Variants in TEAD4 observed in about 807,000 individuals in gnomAD.
TEAD4 encodes the protein transcriptional enhancer factor TEF-3.
Under a neutral mutation model 52.4 loss-of-function variants are expected in TEAD4, and 36 were observed. The observed-to-expected ratio is 0.69, with a 90% CI of 0.53 to 0.91. The LOEUF is 0.91. TEAD4 is among the 40% of genes least tolerant of loss of function. The pLI, the probability that TEAD4 is intolerant of heterozygous loss-of-function variation, is 0.00. For missense variants in TEAD4, 508 were observed against 583.9 expected (o/e 0.87, Z 1.34); for synonymous variants, 220 against 231.0 (o/e 0.95, Z 0.43).
chr12:2,988,375 C>T (rs1223208727), intron 2 of TEAD4, among the ~76,000 whole-genome samples: 2 of 151,040 alleles, frequency 1.3e-5, no homozygotes, highest in East Asian at 2.0e-4. Context: ...AAAAATTAGC[C>T]GGGTGAGGTG....
intron 3 of TEAD4, among the ~76,000 whole-genome samples, chr12:3,008,831 A>G (rs893956318): frequency 6.6e-6 from 1 of 152,164 alleles, no homozygotes; most frequent in Non-Finnish European, 1.5e-5. Context: ...CCTGTGTGCA[A>G]GGGACGGGCC....
intron 7 of TEAD4, 122 bp from the exon 8 acceptor site, chr12:3,018,993 C>G (rs890290343): frequency 2.4e-6 from 3 of 1,238,958 alleles, no homozygotes; most frequent in Non-Finnish European, 3.5e-6. Flanking sequence ...GAGGCCAAGG[C>G]CCATCGGGAC....
intron 2 of TEAD4, among the ~76,000 whole-genome samples, chr12:2,984,823 C>T (rs1180066758): frequency 2.0e-5 from 3 of 152,080 alleles, no homozygotes; most frequent in Non-Finnish European, 4.4e-5. Context: ...AAATGGCACA[C>T]CTGTATGGGG....
In TEAD4 at chr12:3,037,980, A is replaced by G. The variant is rs763983673; in HGVS notation, c.910A>G (p.Thr304Ala). 6.2e-7 allele frequency: 1 copy of G among 1,613,558 alleles called. No homozygotes were observed. Among genetic ancestry groups the G allele is most frequent in the Non-Finnish European group, 8.5e-7 (1 of 1,179,676 alleles). ...TGTCTCCCTCCAGGCAGACCTCAAC[A>G]CCAACATCGAGGATGAAGGCAGCTC... is the stretch of plus-strand genomic sequence containing the variant. The change falls in exon 11 of 13, where the codon ACC becomes GCC. Residue 304 changes from threonine (T) to alanine (A), a missense_variant. Coordinates refer to ENST00000359864, the MANE Select transcript of TEAD4 (RefSeq NM_003213.4).
intron 3 of TEAD4, among the ~76,000 whole-genome samples, chr12:3,008,289 G>A (rs1366913112): frequency 6.6e-6 from 1 of 152,170 alleles, no homozygotes; most frequent in East Asian, 1.9e-4. Context: ...CTGGGGCAGA[G>A]TGTTCCCTGG....
intron 10 of TEAD4, 128 bp from the exon 11 acceptor site, chr12:3,037,840 A>T: frequency 1.7e-6 from 2 of 1,149,130 alleles, no homozygotes; most frequent in Non-Finnish European, 2.4e-6. Context: ...CTGGCGTCCT[A>T]CTGTCTACCC....
chr12:2,966,715 T>C (rs1277266395), intron 2 of TEAD4, among the ~76,000 whole-genome samples: 1 of 151,906 alleles, frequency 6.6e-6, no homozygotes, highest in Non-Finnish European at 1.5e-5. Context: ...CCGGCGTATT[T>C]CTTTTTTTTG....
chr12:3,034,750 T>A (rs2098278265), intron 10 of TEAD4, among the ~76,000 whole-genome samples: 1 of 152,196 alleles, frequency 6.6e-6, no homozygotes, highest in South Asian at 2.1e-4. Flanking sequence ...CTGGGCAACA[T>A]GGCGAAGCCC....
chr12:2,962,212 C>T (rs1021117881), intron 2 of TEAD4, among the ~76,000 whole-genome samples: 2 of 148,206 alleles, frequency 1.3e-5, no homozygotes, highest in Non-Finnish European at 3.0e-5. Flanking sequence ...GCAACCTCCG[C>T]CTCCTGGGTT....
At chr12:3,018,986 G>A (rs2098266651) in intron 7 of TEAD4, 129 bp from the exon 8 acceptor site, 1 of 1,170,368 alleles carries the variant, frequency 8.5e-7, no homozygotes, top group Non-Finnish European at 1.2e-6. Flanking sequence ...GGAGTAGGAG[G>A]CCAAGGCCCA....
rs200314400 is a variant in TEAD4 at position 2,966,577 on chromosome 12, A to AT, written c.-30+6544dup. Among the ~76,000 whole-genome samples, 420 of 149,330 alleles carry AT rather than the reference A, an allele frequency of 2.8e-3. 2 individuals are homozygous for AT. The highest frequency in any genetic ancestry group is 3.4e-3 in the Middle Eastern group (1 of 290). On this transcript the variant is annotated intron_variant, in intron 2 of 12. Transcript: ENST00000359864. ...AAGCACACGCCACCATGCCCAGCTA[A>AT]TTTTTTTGTATTTTTAGTAGAAACA...
chr12:2,990,461 C>CTTTTTTTTTTTTTTTTTTT lies in TEAD4; in HGVS notation c.-29-4268_-29-4250dup, dbSNP rs71057876. On this transcript the variant is annotated intron_variant, in intron 2 of 12. Transcript: ENST00000359864. ...TAGAATTTAGGCTAAGACAGATAAT[C>CTTTTTTTTTTTTTTTTTTT]TTTTTTTTTTTTTTTTTTTTTTTTT... Among the ~76,000 whole-genome samples the CTTTTTTTTTTTTTTTTTTT allele has an allele frequency of 1.8e-4, 12 of 67,038 alleles. 4 individuals carry two copies. The highest frequency in any genetic ancestry group is 7.1e-4 in the African/African-American group (12 of 17,018). The allele number at this position is 67,038 out of a possible 152,430, so 44.0% of individuals were successfully genotyped here.
At chr12:3,029,094 G>A (rs2098273838) in intron 10 of TEAD4, among the ~76,000 whole-genome samples, 1 of 151,756 alleles carries the variant, frequency 6.6e-6, no homozygotes. Flanking sequence ...TCAGAGACAG[G>A]GTCTTGCTGT....
At chr12:3,034,479 A>C (rs935609064) in intron 10 of TEAD4, among the ~76,000 whole-genome samples, 2 of 152,086 alleles carry the variant, frequency 1.3e-5, no homozygotes, top group African/African-American at 4.8e-5. Flanking sequence ...GATTATGACA[A>C]GCAGGGTAAT....
chr12:2,968,385 CTTTTT>C (rs61672018), intron 2 of TEAD4, among the ~76,000 whole-genome samples: 1,669 of 55,060 alleles, frequency 0.03, 162 homozygotes, highest in African/African-American at 0.1. Context: ...CGCGCCCGGC[CTTTTT>C]TTTTTTTTTT....
At position 3,013,096 on chromosome 12, in the gene TEAD4, C is replaced by T. The variant is rs531742590; in HGVS notation, c.354+864C>T. On this transcript the variant is annotated intron_variant, in intron 5 of 12. Transcript: ENST00000359864. ...CCTCCTGAGTATCTGGGACCACAGG[C>T]AAGTGCCACTGCACGGCCATTTTTT... Among the ~76,000 whole-genome samples, 15 of 152,254 alleles carry T rather than the reference C, an allele frequency of 9.9e-5. No homozygotes were observed. The South Asian group carries it at 3.1e-3, about 32-fold the overall frequency.
chr12:3,021,001 C>T (rs983668455), intron 9 of TEAD4, among the ~76,000 whole-genome samples: 3 of 152,116 alleles, frequency 2.0e-5, no homozygotes, highest in Non-Finnish European at 2.9e-5. Context: ...GCCCAGTCAG[C>T]GTCACGCTCC....
intron 2 of TEAD4, among the ~76,000 whole-genome samples, chr12:2,972,521 C>CA (rs2098226081): frequency 2.2e-5 from 1 of 44,914 alleles, no homozygotes; most frequent in Non-Finnish European, 4.4e-5. Flanking sequence ...TTTTTTGAGA[C>CA]AGAGTTTTGC....
intron 10 of TEAD4, among the ~76,000 whole-genome samples, chr12:3,032,827 G>A (rs1356810705): frequency 6.6e-6 from 1 of 152,228 alleles, no homozygotes; most frequent in East Asian, 1.9e-4. Flanking sequence ...AGGCACCAGA[G>A]GAAGACACAT....
Sources: gnomAD v4.1 joint callset for allele counts (sites outside exome capture counted in the v4.1 genomes callset) on GRCh38, gnomAD v4.1.1 for gene constraint, MANE v1.5 for transcripts, NCBI Gene and HGNC (gene_info 2026-07-23, HGNC 2026-07-21) for gene names.